The following ENKUR variants were observed in gnomAD, a reference collection of about 807,000 sequenced individuals.
The protein encoded by ENKUR is enkurin.
Under a neutral mutation model 27.6 loss-of-function variants are expected in ENKUR, and 19 were observed. The observed-to-expected ratio is 0.69, with a 90% CI of 0.48 to 1.01. The LOEUF (loss-of-function observed/expected upper bound fraction) is 1.01, where lower values mean the gene tolerates loss of function less well. Among genes scored for constraint, ENKUR ranks in the 50% least tolerant of loss-of-function variants. The probability of loss-of-function intolerance (pLI) is 0.00; values close to 1 mark genes in which losing one functional copy is unlikely to be tolerated. For synonymous variants in ENKUR, 117 were observed against 96.9 expected, an observed-to-expected ratio of 1.21 and a Z score of -1.22; for missense variants, 312 against 310.5, an observed-to-expected ratio of 1.00 and a Z score of -0.04.
rs372903107 is a variant in ENKUR at position 24,990,617 on chromosome 10, G to C, written c.448-8C>G. The C allele has an allele frequency of 2.1e-5, 33 of 1,588,682 alleles. No homozygotes were observed. The highest frequency in any genetic ancestry group is 4.1e-5 in the African/African-American group (3 of 73,130). On this transcript the variant is annotated splice_region_variant and splice_polypyrimidine_tract_variant and intron_variant, in intron 3 of 5. Coordinates refer to ENST00000331161, the MANE Select transcript of ENKUR (RefSeq NM_145010.4). ...AGGTGTGACACCATAATCCTAAAAA[G>C]ATTTTGCAGAAAAAAGTAATCAATA...
At chr10:25,001,933 G>A (rs1194246312) in intron 1 of ENKUR, among the ~76,000 whole-genome samples, 1 of 152,076 alleles carries the variant, frequency 6.6e-6, no homozygotes, top group Non-Finnish European at 1.5e-5. Flanking sequence ...GCCAAACATT[G>A]TGAATTTTAC....
chr10:25,015,782 T>C, intron 1 of ENKUR, 78 bp downstream of exon 1: 1 of 1,260,468 alleles, frequency 7.9e-7, no homozygotes, highest in Non-Finnish European at 1.1e-6. Flanking sequence ...TATTAAAAAT[T>C]CCAGTATATG....
chr10:25,009,500 T>C (rs532399341), intron 1 of ENKUR, among the ~76,000 whole-genome samples: 2 of 152,286 alleles, frequency 1.3e-5, no homozygotes, highest in East Asian at 3.9e-4. Flanking sequence ...GTTAAATCCT[T>C]GTTGATAAGG....
chr10:25,016,445 C>A (rs2291584), upstream of ENKUR, among the ~76,000 whole-genome samples: 42,381 of 152,078 alleles, frequency 0.28, 6,430 homozygotes, highest in East Asian at 0.5. Flanking sequence ...GTGAGCAGGC[C>A]CCAATCGCGG....
intron 3 of ENKUR, among the ~76,000 whole-genome samples, chr10:24,992,046 G>A (rs1849940595): frequency 6.6e-6 from 1 of 152,160 alleles, no homozygotes; most frequent in Non-Finnish European, 1.5e-5. Context: ...ATGTCACAAC[G>A]ACTGACAGTG....
intron 1 of ENKUR, among the ~76,000 whole-genome samples, chr10:25,000,169 A>G (rs1850155239): frequency 6.6e-6 from 1 of 152,060 alleles, no homozygotes; most frequent in African/African-American, 2.4e-5. Flanking sequence ...ATATATTTCT[A>G]TTGTGGTTAG....
At chr10:24,991,550 G>T (rs1010863530) in intron 3 of ENKUR, among the ~76,000 whole-genome samples, 4 of 152,120 alleles carry the variant, frequency 2.6e-5, no homozygotes, top group Non-Finnish European at 4.4e-5. Flanking sequence ...GCAGGCCATC[G>T]ATCAGTGGAA....
chr10:24,994,214 T>C (rs1242402092), intron 3 of ENKUR, among the ~76,000 whole-genome samples: 1 of 152,146 alleles, frequency 6.6e-6, no homozygotes, highest in Non-Finnish European at 1.5e-5. Context: ...CTTTTCTTTT[T>C]TTCTTTATCT....
intron 1 of ENKUR, among the ~76,000 whole-genome samples, chr10:25,000,236 CA>C (rs1261928212): frequency 6.6e-6 from 1 of 152,060 alleles, no homozygotes; most frequent in Non-Finnish European, 1.5e-5. Flanking sequence ...TGTTTTATGG[CA>C]CAAAGTATGT....
At chr10:25,033,825 GTCTA>G (rs140639853) in intron 2 of ENKUR, among the ~76,000 whole-genome samples, 13,338 of 148,620 alleles carry the variant, frequency 0.09, 704 homozygotes, top group African/African-American at 0.15. Context: ...GTGTGTGTGT[GTCTA>G]TCTATCTATC....
At chr10:25,033,533 C>A (rs536904739) in intron 2 of ENKUR, among the ~76,000 whole-genome samples, 2 of 151,186 alleles carry the variant, frequency 1.3e-5, no homozygotes, top group African/African-American at 4.9e-5. Context: ...CTCATTTCAA[C>A]TTTGCGTAAC....
chr10:25,032,260 C>A (rs2130456405), intron 2 of ENKUR, among the ~76,000 whole-genome samples: 1 of 150,312 alleles, frequency 6.7e-6, no homozygotes, highest in South Asian at 2.1e-4. Context: ...TTCTTTTAGC[C>A]TCTTTAGGCT....
At chr10:25,007,522 C>T (rs1405014753) in intron 1 of ENKUR, among the ~76,000 whole-genome samples, 1 of 152,182 alleles carries the variant, frequency 6.6e-6, no homozygotes, top group Non-Finnish European at 1.5e-5. Context: ...GCAAGCTCCG[C>T]CTCCCGGGTT....
At position 24,995,668 on chromosome 10, in the gene ENKUR, A is replaced by G; in HGVS notation, c.425T>C (p.Val142Ala). ...TACCTTTTTATTGATGTACTTTGGA[A>G]CTAGTCCTGAAGGCTCAAGATCATG... ...DKHDLEPSGL[V>A]PKYINKKDYG... The change falls in exon 3 of 6, where the codon GTT becomes GCT. Residue 142 changes from valine to alanine, a missense_variant. Physicochemically the swap from Val to Ala is moderately conservative, Grantham distance 64. Coordinates refer to ENST00000331161, the MANE Select transcript of ENKUR (RefSeq NM_145010.4). The G allele has an allele frequency of 6.2e-7, 1 of 1,613,240 alleles. No individual in the cohort carries two copies. Among genetic ancestry groups the G allele is most frequent in the South Asian group, 1.1e-5 (1 of 90,662 alleles).
intron 2 of ENKUR, among the ~76,000 whole-genome samples, chr10:25,035,095 C>T (rs1323405562): frequency 6.6e-6 from 1 of 152,086 alleles, no homozygotes; most frequent in Non-Finnish European, 1.5e-5. Context: ...ACTTTGAAAA[C>T]GGTTACACAT....
At chr10:25,058,799 C>G (rs921800151) in intron 2 of ENKUR, among the ~76,000 whole-genome samples, 1 of 151,960 alleles carries the variant, frequency 6.6e-6, no homozygotes, top group Non-Finnish European at 1.5e-5. Flanking sequence ...GGTGTAGTGG[C>G]TCATGCCTGT....
intron 2 of ENKUR, among the ~76,000 whole-genome samples, chr10:25,038,707 C>A (rs1851032377): frequency 1.3e-5 from 2 of 152,096 alleles, no homozygotes; most frequent in South Asian, 4.2e-4. Flanking sequence ...AGGAAGAATC[C>A]CTACAACCCT....
intron 2 of ENKUR, among the ~76,000 whole-genome samples, chr10:25,036,911 G>A (rs143969837): frequency 1.4e-3 from 215 of 152,246 alleles, no homozygotes; most frequent in African/African-American, 5.0e-3. Context: ...TACACCTGAG[G>A]CTATGGGAGG....
At chr10:25,046,904 A>G (rs1458121721) in intron 2 of ENKUR, among the ~76,000 whole-genome samples, 3 of 152,224 alleles carry the variant, frequency 2.0e-5, no homozygotes, top group Non-Finnish European at 4.4e-5. Flanking sequence ...TCCATCCTCT[A>G]GAAATTCAGG....
Sources: allele counts gnomAD v4.1 joint callset (sites outside exome capture counted in the v4.1 genomes callset), GRCh38; gene constraint gnomAD v4.1.1; transcripts MANE v1.5; gene names NCBI Gene and HGNC (gene_info 2026-07-23, HGNC 2026-07-21).